Variants in PIP4K2A observed in about 807,000 individuals in gnomAD.
PIP4K2A encodes phosphatidylinositol-5-phosphate 4-kinase type 2 alpha.
Under a neutral mutation model 42.9 loss-of-function variants are expected in PIP4K2A, and 14 were observed. That is an observed-to-expected ratio of 0.33 (90% CI 0.22 to 0.51). The LOEUF (loss-of-function observed/expected upper bound fraction) is 0.51, where lower values mean the gene tolerates loss of function less well. Ranked by LOEUF, PIP4K2A falls within the 20% of genes least tolerant of loss-of-function variation. The probability of loss-of-function intolerance (pLI) is 0.97; values close to 1 mark genes in which losing one functional copy is unlikely to be tolerated. For missense variants in PIP4K2A, 434 were observed against 519.8 expected, an observed-to-expected ratio of 0.83 and a Z score of 1.61; for synonymous variants, 192 against 192.2, an observed-to-expected ratio of 1.00 and a Z score of 0.01.
chr10:22,567,881 T>C lies in PIP4K2A; in HGVS notation c.648A>G (p.Thr216=). The part of the protein sequence containing the change: ...VYRKYDLKGS[T]VAREASDKEK... Reference sequence around the variant, plus strand: ...CTTTGTCACTAGCTTCTCTAGCCACTGTAGAGCCCTGAAACACAAGGCAAT... The same window carrying C: ...CTTTGTCACTAGCTTCTCTAGCCACCGTAGAGCCCTGAAACACAAGGCAAT... The change falls in exon 6 of 10, where the codon ACA becomes ACG. Residue 216 remains threonine, a synonymous_variant. Transcript: ENST00000376573. 1.9e-6 allele frequency: 3 copies of C among 1,613,844 alleles called. No individual in the cohort carries two copies. The highest frequency in any genetic ancestry group is 2.5e-6 in the Non-Finnish European group (3 of 1,179,690).
At position 22,574,676 on chromosome 10, in the gene PIP4K2A, CTTT is replaced by C. The variant is rs377499456; in HGVS notation, c.493-1222_493-1220del. Among the ~76,000 whole-genome samples the C allele has an allele frequency of 5.3e-5, 8 of 152,204 alleles. No individual in the cohort carries two copies. The East Asian group carries it at 1.5e-3, about 29-fold the overall frequency. ...AGTTTTAAAGATGCCTCTTCCCTTT[CTTT>C]TTTCTTATTGACAATAACTGAGCTA... On this transcript the variant is annotated intron_variant, in intron 4 of 9. Transcript: ENST00000376573.
chr10:22,671,896 CCACT>C (rs747026927), intron 1 of PIP4K2A, among the ~76,000 whole-genome samples: 5 of 151,596 alleles, frequency 3.3e-5, no homozygotes, highest in South Asian at 2.1e-4. Context: ...GGACTAGCAC[CCACT>C]GAGAGGAATA....
intron 3 of PIP4K2A, among the ~76,000 whole-genome samples, chr10:22,592,896 C>G (rs1295538575): frequency 1.3e-5 from 2 of 152,246 alleles, no homozygotes; most frequent in Non-Finnish European, 2.9e-5. Flanking sequence ...TTAACTTGCT[C>G]TCTGAAGTGG....
At chr10:22,683,494 A>G (rs1839701907) in intron 1 of PIP4K2A, among the ~76,000 whole-genome samples, 1 of 152,144 alleles carries the variant, frequency 6.6e-6, no homozygotes, top group Admixed American at 6.5e-5. Context: ...CATCTGTCAA[A>G]TGTGAATAAT....
chr10:22,701,631 T>G (rs1034835330), intron 1 of PIP4K2A, among the ~76,000 whole-genome samples: 4 of 152,240 alleles, frequency 2.6e-5, no homozygotes, highest in Admixed American at 2.6e-4. Flanking sequence ...GGATTCCCTC[T>G]TTTGAAACTT....
intron 1 of PIP4K2A, among the ~76,000 whole-genome samples, chr10:22,704,686 G>A (rs1250767919): frequency 6.8e-6 from 1 of 147,104 alleles, no homozygotes; most frequent in Non-Finnish European, 1.5e-5. Flanking sequence ...CAGAAAACAC[G>A]AGAAGACACT....
chr10:22,671,858 T>A (rs1430518396), intron 1 of PIP4K2A, among the ~76,000 whole-genome samples: 2 of 151,814 alleles, frequency 1.3e-5, no homozygotes, highest in Non-Finnish European at 2.9e-5. Context: ...GACAGGCCCA[T>A]TACCACTAAG....
At chr10:22,696,971 G>A (rs1400027536) in intron 1 of PIP4K2A, among the ~76,000 whole-genome samples, 2 of 152,076 alleles carry the variant, frequency 1.3e-5, no homozygotes. Context: ...CTGAAAATTG[G>A]CAACTGTAGT....
At chr10:22,580,457 C>T (rs1198410179) in intron 4 of PIP4K2A, among the ~76,000 whole-genome samples, 1 of 151,936 alleles carries the variant, frequency 6.6e-6, no homozygotes, top group Non-Finnish European at 1.5e-5. Flanking sequence ...TGAGATCAAC[C>T]TGGCCAACAT....
chr10:22,670,228 A>T (rs1839423690), intron 1 of PIP4K2A, among the ~76,000 whole-genome samples: 1 of 152,060 alleles, frequency 6.6e-6, no homozygotes, highest in South Asian at 2.1e-4. Flanking sequence ...AAACTACAAA[A>T]ATTAGTCAGG....
At chr10:22,596,880 C>G (rs544104147) in intron 3 of PIP4K2A, among the ~76,000 whole-genome samples, 169 of 152,354 alleles carry the variant, frequency 1.1e-3, no homozygotes, top group African/African-American at 4.0e-3. Flanking sequence ...TCCATCTCCC[C>G]CTGCCGTGCT....
intron 1 of PIP4K2A, among the ~76,000 whole-genome samples, chr10:22,642,956 G>C (rs1838810977): frequency 6.6e-6 from 1 of 152,040 alleles, no homozygotes; most frequent in African/African-American, 2.4e-5. Context: ...GTCTGCTGTG[G>C]AGATGAGGAG....
chr10:22,687,714 T>C (rs896443934), intron 1 of PIP4K2A, among the ~76,000 whole-genome samples: 3 of 152,124 alleles, frequency 2.0e-5, no homozygotes, highest in African/African-American at 7.2e-5. Context: ...TCTGCACACA[T>C]CCTCCTGGAT....
At chr10:22,648,379 T>C (rs753062160) in intron 1 of PIP4K2A, among the ~76,000 whole-genome samples, 1 of 152,240 alleles carries the variant, frequency 6.6e-6, no homozygotes, top group Non-Finnish European at 1.5e-5. Flanking sequence ...GGCCCTCTGG[T>C]TATTACAGTA....
chr10:22,577,155 C>T (rs1837144308), intron 4 of PIP4K2A, among the ~76,000 whole-genome samples: 1 of 151,674 alleles, frequency 6.6e-6, no homozygotes, highest in Admixed American at 6.6e-5. Flanking sequence ...ATGCCTGGTA[C>T]CATGAGCGGT....
intron 1 of PIP4K2A, among the ~76,000 whole-genome samples, chr10:22,613,177 G>A (rs916907008): frequency 3.5e-4 from 53 of 152,178 alleles, no homozygotes; most frequent in Admixed American, 5.9e-4. Context: ...CAGATTGAAC[G>A]GCACAGGAGG....
At chr10:22,652,119 C>T (rs929056476) in intron 1 of PIP4K2A, among the ~76,000 whole-genome samples, 4 of 141,578 alleles carry the variant, frequency 2.8e-5, no homozygotes, top group Non-Finnish European at 6.4e-5. Context: ...AAACTGCACA[C>T]AAATTTTTTT....
At chr10:22,582,464 C>T (rs751511527) in intron 4 of PIP4K2A, among the ~76,000 whole-genome samples, 12 of 152,144 alleles carry the variant, frequency 7.9e-5, no homozygotes, top group Non-Finnish European at 1.2e-4. Flanking sequence ...TATCTCCGCA[C>T]GATAGTGTGA....
intron 6 of PIP4K2A, among the ~76,000 whole-genome samples, chr10:22,553,523 CCT>C (rs1225291017): frequency 1.3e-5 from 2 of 152,188 alleles, no homozygotes; most frequent in Non-Finnish European, 2.9e-5. Flanking sequence ...TTTGCAACAA[CCT>C]TAACTATTAT....
Sources: gnomAD v4.1 joint callset for allele counts (sites outside exome capture counted in the v4.1 genomes callset) on GRCh38, gnomAD v4.1.1 for gene constraint, MANE v1.5 for transcripts, NCBI Gene and HGNC (gene_info 2026-07-23, HGNC 2026-07-21) for gene names.